The following ARHGEF3 variants were observed in gnomAD, a reference collection of about 807,000 sequenced individuals.
ARHGEF3 encodes Rho guanine nucleotide exchange factor 3.
A neutral mutation model predicts 63.2 loss-of-function variants in ARHGEF3; 28 were observed. That is an observed-to-expected ratio of 0.44 (90% confidence interval 0.33 to 0.61). The LOEUF (loss-of-function observed/expected upper bound fraction) is 0.61, where lower values mean the gene tolerates loss of function less well. Among genes scored for constraint, ARHGEF3 ranks in the 20% least tolerant of loss-of-function variants. ARHGEF3 has a pLI of 0.03. For synonymous variants in ARHGEF3, 266 were observed against 254.2 expected, an observed-to-expected ratio of 1.05 and a Z score of -0.44; for missense variants, 533 against 659.3, an observed-to-expected ratio of 0.81 and a Z score of 2.10.
chr3:56,983,274 C>T (rs1226078614), intron 2 of ARHGEF3, among the ~76,000 whole-genome samples: 2 of 152,054 alleles, frequency 1.3e-5, no homozygotes, highest in African/African-American at 4.8e-5. Context: ...ACTAAGGGCC[C>T]CTATTTCCAC....
At chr3:56,957,850 T>C (rs549961618) in intron 3 of ARHGEF3, among the ~76,000 whole-genome samples, 182 of 152,290 alleles carry the variant, frequency 1.2e-3, no homozygotes, top group African/African-American at 4.2e-3. Context: ...TCTCTACAGA[T>C]GCAAGTTTTG....
chr3:56,863,605 T>C (rs1296736038), intron 4 of ARHGEF3, among the ~76,000 whole-genome samples: 1 of 152,138 alleles, frequency 6.6e-6, no homozygotes, highest in East Asian at 1.9e-4. Flanking sequence ...TGGCCATTTT[T>C]GTATTTTTTA....
intron 2 of ARHGEF3, among the ~76,000 whole-genome samples, chr3:56,772,798 C>T (rs1329363630): frequency 6.6e-6 from 1 of 152,120 alleles, no homozygotes. Flanking sequence ...AATGCACTGT[C>T]TTGTAAATCT....
intron 9 of ARHGEF3, among the ~76,000 whole-genome samples, chr3:56,730,216 A>G (rs2033036780): frequency 1.3e-5 from 2 of 152,128 alleles, no homozygotes; most frequent in African/African-American, 4.8e-5. Context: ...AAACATGCCC[A>G]TGTTTCTCCA....
chr3:56,933,832 A>G (rs1200672496), intron 3 of ARHGEF3, among the ~76,000 whole-genome samples: 1 of 152,210 alleles, frequency 6.6e-6, no homozygotes, highest in Non-Finnish European at 1.5e-5. Flanking sequence ...TGTAATCCCC[A>G]TAATCCCCAC....
intron 2 of ARHGEF3, among the ~76,000 whole-genome samples, chr3:56,769,345 C>T (rs1318058540): frequency 6.6e-6 from 1 of 152,180 alleles, no homozygotes; most frequent in African/African-American, 2.4e-5. Flanking sequence ...AGAGCTGGGC[C>T]AGATTTTCCT....
chr3:56,906,707 G>T (rs560316501), intron 3 of ARHGEF3, among the ~76,000 whole-genome samples: 11 of 151,826 alleles, frequency 7.2e-5, no homozygotes, highest in African/African-American at 2.4e-4. Flanking sequence ...GTGGTGGCAG[G>T]CCCCTGTAAT....
intron 2 of ARHGEF3, chr3:56,959,006 G>A: frequency 9.3e-7 from 1 of 1,072,090 alleles, no homozygotes; most frequent in Non-Finnish European, 1.4e-6. Context: ...GCCCAAACAA[G>A]GTGGATGGAG....
chr3:56,940,390 T>C (rs906739629), intron 3 of ARHGEF3, among the ~76,000 whole-genome samples: 1 of 152,158 alleles, frequency 6.6e-6, no homozygotes, highest in Non-Finnish European at 1.5e-5. Flanking sequence ...GATAACTATA[T>C]AAAATAAACA....
At chr3:56,783,999 CCT>C (rs1352370194) in intron 1 of ARHGEF3, among the ~76,000 whole-genome samples, 9 of 152,308 alleles carry the variant, frequency 5.9e-5, no homozygotes, top group African/African-American at 2.2e-4. Flanking sequence ...CACCCACACC[CCT>C]GTTAAGTTCC....
intron 1 of ARHGEF3, among the ~76,000 whole-genome samples, chr3:57,042,046 C>T (rs1017241264): frequency 6.6e-6 from 1 of 152,316 alleles, no homozygotes; most frequent in Non-Finnish European, 1.5e-5. Flanking sequence ...GTGCTCTGGT[C>T]AGTGTGGACA....
intron 2 of ARHGEF3, chr3:57,007,387 G>A (rs1250078061): frequency 7.8e-7 from 1 of 1,281,028 alleles, no homozygotes; most frequent in Non-Finnish European, 1.0e-6. Flanking sequence ...GCCTTCTGCT[G>A]AGGCTGAGCT....
chr3:56,838,637 G>A (rs1320210092), intron 4 of ARHGEF3, among the ~76,000 whole-genome samples: 3 of 152,124 alleles, frequency 2.0e-5, no homozygotes, highest in Admixed American at 1.3e-4. Context: ...AGACAAAAAC[G>A]CTGATAGCAG....
intron 3 of ARHGEF3, among the ~76,000 whole-genome samples, chr3:56,944,390 G>A (rs1699356462): frequency 6.6e-6 from 1 of 152,012 alleles, no homozygotes; most frequent in South Asian, 2.1e-4. Context: ...CAACCCTCAT[G>A]GATGACATTG....
chr3:56,775,800 G>GCACACACA (rs146595496), intron 1 of ARHGEF3: 70 of 213,822 alleles, frequency 3.3e-4, no homozygotes, highest in African/African-American at 1.4e-3. Context: ...ACACGCGCAA[G>GCACACACA]CACACACACA....
At position 57,044,309 on chromosome 3, in the gene ARHGEF3, A is replaced by C. The variant is rs201746931; in HGVS notation, c.-27-9133T>G. ...GCATCACCACCAGCTGAAGCAATAA[A>C]GTGGTCCACTTGGGGGGGTTGGCCA... On this transcript the variant is annotated intron_variant, in intron 1 of 12. Coordinates refer to the ARHGEF3 transcript ENST00000338458. Among the ~76,000 whole-genome samples the C allele has an allele frequency of 5.9e-5, 9 of 152,328 alleles. No individual in the cohort carries two copies. The East Asian group carries it at 1.7e-3, about 29-fold the overall frequency.
intron 1 of ARHGEF3, among the ~76,000 whole-genome samples, chr3:57,041,697 C>G (rs1448566006): frequency 2.0e-5 from 3 of 152,206 alleles, no homozygotes; most frequent in African/African-American, 7.2e-5. Context: ...ATGCTTGGCA[C>G]TCACAGCTTT....
At chr3:57,012,490 C>T (rs1702744806) in intron 2 of ARHGEF3, among the ~76,000 whole-genome samples, 1 of 152,206 alleles carries the variant, frequency 6.6e-6, no homozygotes. Context: ...AACTGCTGAC[C>T]TCAAGTGATC....
intron 2 of ARHGEF3, among the ~76,000 whole-genome samples, chr3:57,025,382 C>T (rs888603017): frequency 2.6e-5 from 4 of 152,176 alleles, no homozygotes; most frequent in African/African-American, 9.7e-5. Flanking sequence ...CCTAGTCCCA[C>T]CCGCTCACTT....
Sources: allele counts gnomAD v4.1 joint callset (sites outside exome capture counted in the v4.1 genomes callset), GRCh38; gene constraint gnomAD v4.1.1; transcripts MANE v1.5; gene names NCBI Gene and HGNC (gene_info 2026-07-23, HGNC 2026-07-21).